Variants in RBMS3 observed in about 807,000 individuals in gnomAD.
The protein encoded by RBMS3 is RNA-binding motif, single-stranded-interacting protein 3.
Under a neutral mutation model 66.8 loss-of-function variants are expected in RBMS3, and 27 were observed. The observed-to-expected ratio is 0.40, with a 90% CI of 0.30 to 0.56. RBMS3 has a LOEUF of 0.56. Among genes scored for constraint, RBMS3 ranks in the 20% least tolerant of loss-of-function variants. The pLI is 0.40. For synonymous variants in RBMS3, 188 were observed against 183.0 expected, an observed-to-expected ratio of 1.03 and a Z score of -0.22; for missense variants, 513 against 549.5, an observed-to-expected ratio of 0.93 and a Z score of 0.66.
chr3:29,912,241 A>G (rs543652388), intron 10 of RBMS3, among the ~76,000 whole-genome samples: 16 of 152,194 alleles, frequency 1.1e-4, no homozygotes, highest in African/African-American at 3.9e-4. Flanking sequence ...TTCTAAATAA[A>G]TATTTGATAA....
At chr3:29,891,748 G>A (rs1216168677) in intron 8 of RBMS3, among the ~76,000 whole-genome samples, 1 of 151,366 alleles carries the variant, frequency 6.6e-6, no homozygotes, top group East Asian at 2.0e-4. Flanking sequence ...TGCTTTATGT[G>A]GGCATTTGGT....
intron 1 of RBMS3, among the ~76,000 whole-genome samples, chr3:29,431,671 CTCAA>C (rs2041212250): frequency 2.0e-5 from 3 of 152,164 alleles, no homozygotes; most frequent in Non-Finnish European, 4.4e-5. Context: ...TTGTGCATTT[CTCAA>C]CTGTTGGTCA....
intron 4 of RBMS3, among the ~76,000 whole-genome samples, chr3:29,737,058 G>T (rs1324931725): frequency 1.3e-5 from 2 of 151,814 alleles, no homozygotes; most frequent in Non-Finnish European, 2.9e-5. Context: ...CTCACTGCAA[G>T]CTCCGCCTCC....
chr3:29,895,044 A>G (rs555270004), intron 8 of RBMS3, among the ~76,000 whole-genome samples: 29 of 151,666 alleles, frequency 1.9e-4, no homozygotes, highest in Admixed American at 1.5e-3. Context: ...TGATTGTGCT[A>G]GCCAGTGCAA....
intron 6 of RBMS3, among the ~76,000 whole-genome samples, chr3:29,845,822 A>T (rs1576978980): frequency 6.6e-6 from 1 of 152,188 alleles, no homozygotes; most frequent in African/African-American, 2.4e-5. Flanking sequence ...ACTGGTTAAG[A>T]CTTACATTTT....
chr3:29,825,620 C>T (rs1048701156), intron 6 of RBMS3, among the ~76,000 whole-genome samples: 3 of 152,164 alleles, frequency 2.0e-5, no homozygotes, highest in Non-Finnish European at 4.4e-5. Context: ...TCTCCTTTGC[C>T]ATCTGCCATG....
At chr3:29,367,496 C>T (rs1170612027) in intron 1 of RBMS3, among the ~76,000 whole-genome samples, 1 of 152,048 alleles carries the variant, frequency 6.6e-6, no homozygotes, top group Non-Finnish European at 1.5e-5. Flanking sequence ...GTTTTTAATA[C>T]AACTCTCCAT....
chr3:29,547,832 G>A (rs1349132216), intron 3 of RBMS3, among the ~76,000 whole-genome samples: 9 of 47,912 alleles, frequency 1.9e-4, no homozygotes, highest in African/African-American at 7.2e-4. Context: ...TTTTTTTTTT[G>A]ACAGAGTCTC....
intron 4 of RBMS3, among the ~76,000 whole-genome samples, chr3:29,687,950 T>C (rs1372718449): frequency 6.6e-6 from 1 of 152,194 alleles, no homozygotes; most frequent in South Asian, 2.1e-4. Context: ...TATTTTGATA[T>C]GTCTTGCCAC....
intron 3 of RBMS3, among the ~76,000 whole-genome samples, chr3:29,582,860 G>C (rs900069920): frequency 6.6e-6 from 1 of 152,080 alleles, no homozygotes; most frequent in Non-Finnish European, 1.5e-5. Flanking sequence ...GTAATGCAAT[G>C]TTTATTTCTA....
At chr3:29,479,010 T>G (rs1347772) in intron 2 of RBMS3, among the ~76,000 whole-genome samples, 91,914 of 151,920 alleles carry the variant, frequency 0.61, 28,228 homozygotes, top group Admixed American at 0.69. Context: ...CCAGAGGACT[T>G]AATTTTATCT....
At chr3:29,936,023 A>G in intron 10 of RBMS3, 63 bp from the exon 11 acceptor site, 2 of 1,342,670 alleles carry the variant, frequency 1.5e-6, no homozygotes, top group Non-Finnish European at 2.1e-6. Context: ...TACAGTGTTT[A>G]TTTGTAAGAA....
chr3:29,632,602 G>C (rs1001741782), intron 4 of RBMS3, among the ~76,000 whole-genome samples: 6 of 151,838 alleles, frequency 4.0e-5, no homozygotes, highest in African/African-American at 1.4e-4. Context: ...ATTACAAAGA[G>C]GATTTTGTGG....
intron 1 of RBMS3, among the ~76,000 whole-genome samples, chr3:29,329,960 A>G (rs1165952663): frequency 6.7e-6 from 1 of 150,126 alleles, no homozygotes; most frequent in East Asian, 1.9e-4. Context: ...TATATTCACA[A>G]GATACTTTAA....
intron 1 of RBMS3, among the ~76,000 whole-genome samples, chr3:29,428,022 T>A (rs1438336): frequency 0.11 from 16,201 of 152,238 alleles, 1,192 homozygotes; most frequent in East Asian, 0.29. Flanking sequence ...ACATCTTGGT[T>A]ACAGATGGTG....
At chr3:29,897,142 C>T (rs2060140619) in intron 8 of RBMS3, among the ~76,000 whole-genome samples, 1 of 151,536 alleles carries the variant, frequency 6.6e-6, no homozygotes, top group African/African-American at 2.4e-5. Flanking sequence ...ACTTATCTGG[C>T]ATAAGAAAGA....
In RBMS3 at chr3:29,492,120, T is replaced by A. The variant is rs1043279996; in HGVS notation, c.307+3621T>A. Reference sequence around the variant, plus strand: ...CCCATTGCCTTGCTTATCCTCAGCATGTAGAGTCTCTGCTTAGCAGTGGTG... The same window carrying A: ...CCCATTGCCTTGCTTATCCTCAGCAAGTAGAGTCTCTGCTTAGCAGTGGTG... On this transcript the variant is annotated intron_variant, in intron 3 of 14. Coordinates refer to ENST00000383767, the MANE Select transcript of RBMS3 (RefSeq NM_001003793.3). 1.1e-4 allele frequency among the ~76,000 whole-genome samples: 17 copies of A among 152,212 alleles called. No individual in the cohort carries two copies. The East Asian group carries it at 3.1e-3, about 28-fold the overall frequency.
intron 6 of RBMS3, among the ~76,000 whole-genome samples, chr3:29,818,482 C>T (rs2057982030): frequency 6.6e-6 from 1 of 151,310 alleles, no homozygotes; most frequent in East Asian, 1.9e-4. Flanking sequence ...CTCAATAATT[C>T]AGGCTTGATA....
chr3:29,699,643 T>C lies in RBMS3; in HGVS notation c.400-40077T>C, dbSNP rs1028220634. On this transcript the variant is annotated intron_variant, in intron 4 of 14. Transcript: ENST00000383767. ...CTCAGTTAACATTGTGACGTAAGTA[T>C]TACCTATGTCAAAAATAATTCTCTA... is the stretch of plus-strand genomic sequence containing the variant. 2.3e-4 allele frequency among the ~76,000 whole-genome samples: 35 copies of C among 152,182 alleles called. 1 individual carries two copies. The highest frequency in any genetic ancestry group is 1.5e-4 in the Non-Finnish European group (10 of 68,032).
Sources: gnomAD v4.1 joint callset for allele counts (sites outside exome capture counted in the v4.1 genomes callset) on GRCh38, gnomAD v4.1.1 for gene constraint, MANE v1.5 for transcripts, NCBI Gene and HGNC (gene_info 2026-07-23, HGNC 2026-07-21) for gene names.